INSYN2A: variants seen among roughly 807,000 people sequenced by gnomAD.
INSYN2A encodes the protein family with sequence similarity 196 member A.
In INSYN2A, 17 loss-of-function variants were observed where a neutral mutation model predicts 39.4. The observed-to-expected ratio is 0.43, with a 90% CI of 0.30 to 0.65. INSYN2A has a LOEUF of 0.65. Among genes scored for constraint, INSYN2A ranks in the 30% least tolerant of loss-of-function variants. INSYN2A has a pLI of 0.14. For synonymous variants in INSYN2A, 255 were observed against 265.7 expected (o/e 0.96, Z 0.39); for missense variants, 595 against 631.2 (o/e 0.94, Z 0.61).
intron 2 of INSYN2A, among the ~76,000 whole-genome samples, chr10:127,187,769 A>G (rs1251079794): frequency 6.7e-6 from 1 of 148,666 alleles, no homozygotes; most frequent in Non-Finnish European, 1.5e-5. Context: ...AAAGAAAGAA[A>G]AGAGAGAGAA....
chr10:127,137,084 C>T lies in INSYN2A; in HGVS notation c.*753G>A, dbSNP rs2050764530. 1 of 152,598 alleles carries T rather than the reference C, an allele frequency of 6.6e-6. No homozygotes were observed. Among genetic ancestry groups the T allele is most frequent in the Admixed American group, 6.5e-5 (1 of 15,280 alleles). 9.5% of individuals were successfully genotyped at this position (152,598 alleles called of 1,614,324 possible). A position where few individuals can be genotyped will look rare whatever the true frequency, so the allele number is the denominator to read the frequency against. ...TCTAAGAAAACTTAGTGTCCAATAGCTCTGACCCTGTCTACTTGCAGTGAT... is the reference window on the plus strand; with the variant it reads ...TCTAAGAAAACTTAGTGTCCAATAGTTCTGACCCTGTCTACTTGCAGTGAT... On this transcript the variant is annotated 3_prime_UTR_variant, in exon 6 of 6. Coordinates refer to ENST00000522781, the MANE Select transcript of INSYN2A (RefSeq NM_001039762.3).
At chr10:127,184,034 C>A (rs1220080928) in intron 2 of INSYN2A, among the ~76,000 whole-genome samples, 1 of 152,136 alleles carries the variant, frequency 6.6e-6, no homozygotes, top group African/African-American at 2.4e-5. Flanking sequence ...TTGGCAGTGT[C>A]TCTGGTAATC....
intron 2 of INSYN2A, among the ~76,000 whole-genome samples, chr10:127,178,000 G>A (rs895160909): frequency 1.3e-5 from 2 of 152,168 alleles, no homozygotes; most frequent in African/African-American, 4.8e-5. Context: ...AGACCCAGCT[G>A]TCCAACAGAC....
intron 4 of INSYN2A, among the ~76,000 whole-genome samples, chr10:127,156,647 C>G (rs1360245292): frequency 1.4e-5 from 2 of 145,582 alleles, no homozygotes; most frequent in Non-Finnish European, 3.0e-5. Flanking sequence ...GGGCTCACCA[C>G]AACCTCCGCC....
intron 4 of INSYN2A, among the ~76,000 whole-genome samples, chr10:127,168,829 G>C (rs950785148): frequency 5.3e-5 from 8 of 152,154 alleles, no homozygotes; most frequent in African/African-American, 1.7e-4. Flanking sequence ...TGCTGCAGCG[G>C]TGCACAATTT....
chr10:127,195,518 A>C (rs1026303350), intron 1 of INSYN2A, among the ~76,000 whole-genome samples: 2 of 148,888 alleles, frequency 1.3e-5, no homozygotes, highest in African/African-American at 2.4e-5. Context: ...CTCTGTTCCA[A>C]CTCATCCCCC....
chr10:127,142,336 A>G (rs1013181226), intron 5 of INSYN2A, among the ~76,000 whole-genome samples: 1 of 152,138 alleles, frequency 6.6e-6, no homozygotes, highest in African/African-American at 2.4e-5. Flanking sequence ...GCAACCTCCC[A>G]GGCCTCACTC....
intron 2 of INSYN2A, among the ~76,000 whole-genome samples, chr10:127,189,831 CAA>C (rs1371645565): frequency 1.3e-5 from 2 of 152,140 alleles, no homozygotes; most frequent in African/African-American, 4.8e-5. Flanking sequence ...GAAAAAAAGA[CAA>C]AAATAATCTT....
intron 5 of INSYN2A, chr10:127,145,819 A>G: frequency 3.0e-6 from 1 of 333,998 alleles, no homozygotes; most frequent in Non-Finnish European, 5.9e-6. Flanking sequence ...CACTAAACGT[A>G]GCAGTGATAG....
At chr10:127,169,190 G>A (rs953938979) in intron 4 of INSYN2A, among the ~76,000 whole-genome samples, 1 of 152,128 alleles carries the variant, frequency 6.6e-6, no homozygotes, top group Non-Finnish European at 1.5e-5. Flanking sequence ...AGGTATATGT[G>A]TGTCATACAC....
chr10:127,152,298 G>T (rs1277009721), intron 5 of INSYN2A, among the ~76,000 whole-genome samples: 2 of 152,214 alleles, frequency 1.3e-5, no homozygotes, highest in Admixed American at 6.5e-5. Flanking sequence ...GATGAGTGGA[G>T]TGAAAAGTTT....
chr10:127,169,310 C>T (rs78125021), intron 4 of INSYN2A, among the ~76,000 whole-genome samples: 6 of 152,266 alleles, frequency 3.9e-5, no homozygotes, highest in East Asian at 1.9e-4. Context: ...AGGCTGGGCC[C>T]GAATTCCTTT....
Position 127,167,189 on chromosome 10 carries a change from TGAA to T in INSYN2A, c.1184+8020_1184+8022del, listed in dbSNP as rs537596642. On this transcript the variant is annotated intron_variant, in intron 4 of 5. Coordinates refer to ENST00000522781, the MANE Select transcript of INSYN2A (RefSeq NM_001039762.3). ...GCTTGCTGTGACCCTGTGAATTAAA[TGAA>T]GAAAATGATAGAAAGAATATGAAAT... is the stretch of plus-strand genomic sequence containing the variant. Among the ~76,000 whole-genome samples, 10 of 152,262 alleles carry T rather than the reference TGAA, an allele frequency of 6.6e-5. No homozygotes were observed. The East Asian group carries it at 1.7e-3, about 26-fold the overall frequency.
rs75353423 is a variant in INSYN2A, at chr10:127,194,104, A to G, written c.-394-1374T>C. ...TCTTGTCTTTAAGGAAAAGTCTTTC[A>G]TTTAGCTAAAGAAATTAAACTGAAT... On this transcript the variant is annotated intron_variant, in intron 1 of 5. Transcript: ENST00000522781. 4.4e-3 allele frequency among the ~76,000 whole-genome samples: 670 copies of G among 152,376 alleles called. 1 individual carries two copies. The highest frequency in any genetic ancestry group is 0.016 in the African/African-American group (645 of 41,598).
intron 4 of INSYN2A, among the ~76,000 whole-genome samples, chr10:127,161,035 CTG>C (rs1183975879): frequency 6.6e-6 from 1 of 152,212 alleles, no homozygotes; most frequent in East Asian, 1.9e-4. Flanking sequence ...AGTAAAGGCA[CTG>C]TTTTCAGTGA....
rs79463082 is a variant in INSYN2A at position 127,175,701 on chromosome 10, C to G, written c.695G>C (p.Arg232Pro). 19 of 1,613,768 alleles carry G rather than the reference C, an allele frequency of 1.2e-5. No homozygotes were observed. Among genetic ancestry groups the G allele is most frequent in the Non-Finnish European group, 1.5e-5 (18 of 1,180,006 alleles). Reference protein sequence around the residue: ...YQLLGRAKQDRGRPNSEEPAP... With the variant: ...YQLLGRAKQDPGRPNSEEPAP... ...GGGCTCCTCGGAGTTTGGCCTCCCC[C>G]GGTCCTGCTTGGCCCTCCCGAGCAG... Residue 232 changes from arginine to proline, a missense_variant, in exon 4 of 6, where the codon CGG (arginine) becomes CCG (proline). Arg to Pro is a moderately radical substitution (Grantham distance 103). Around this residue, in one of 2 missense-constraint regions of INSYN2A, gnomAD observed 478 missense variants for 467.4 expected, o/e 1.02. Transcript: ENST00000522781. The surrounding 1 kb of genome is among the most constrained non-coding windows in gnomAD (Gnocchi z 6.3).
At chr10:127,189,197 TCTTAGA>T (rs1034430859) in intron 2 of INSYN2A, among the ~76,000 whole-genome samples, 4 of 152,248 alleles carry the variant, frequency 2.6e-5, no homozygotes, top group Admixed American at 1.3e-4. Context: ...TGTACGGTTG[TCTTAGA>T]CTTATACTTT....
chr10:127,138,324 T>G (rs776838532), intron 5 of INSYN2A, among the ~76,000 whole-genome samples: 19 of 152,176 alleles, frequency 1.2e-4, no homozygotes, highest in Non-Finnish European at 2.4e-4. Context: ...AACCCCATTG[T>G]TTGTCCACAG....
At chr10:127,180,168 C>G (rs951607267) in intron 2 of INSYN2A, among the ~76,000 whole-genome samples, 1 of 152,172 alleles carries the variant, frequency 6.6e-6, no homozygotes, top group Non-Finnish European at 1.5e-5. Flanking sequence ...TGAGCAATGC[C>G]CTTGTCTTGT....
Sources: allele counts gnomAD v4.1 joint callset (sites outside exome capture counted in the v4.1 genomes callset), GRCh38; gene constraint gnomAD v4.1.1; regional missense constraint gnomAD v4.1.1; non-coding constraint Gnocchi (gnomAD v3.1); transcripts MANE v1.5; gene names NCBI Gene and HGNC (gene_info 2026-07-23, HGNC 2026-07-21).